Variants in NPC2 observed in about 807,000 individuals in gnomAD.
The protein encoded by NPC2 is Niemann-Pick disease type C2 protein.
NPC2 carries 14 observed loss-of-function variants against 17.0 expected under a neutral mutation model. The ratio of observed to expected loss-of-function variants is 0.82; its 90% CI spans 0.54 to 1.29. The LOEUF (loss-of-function observed/expected upper bound fraction) is 1.29. NPC2 is among the 50% of genes most tolerant of loss of function. The pLI, the probability that NPC2 is intolerant of heterozygous loss-of-function variation, is 0.00. For synonymous variants in NPC2, 75 were observed against 69.3 expected (o/e 1.08, Z -0.41); for missense variants, 167 against 183.4 (o/e 0.91, Z 0.52).
chr14:74,492,298 GCT>G (rs1212376853), intron 1 of NPC2, among the ~76,000 whole-genome samples: 3 of 152,098 alleles, frequency 2.0e-5, no homozygotes, highest in Admixed American at 6.5e-5. Flanking sequence ...TGATAAATCC[GCT>G]CTGTCTAGGC....
rs2086642019 is a variant in NPC2 at position 74,480,276 on chromosome 14, A to G, written c.454T>C (p.Ter152GlnextTer4). 1.2e-6 allele frequency: 2 copies of G among 1,613,954 alleles called. No homozygotes were observed. Among genetic ancestry groups the G allele is most frequent in the South Asian group, 2.2e-5 (2 of 91,064 alleles). Residue 152 changes from the stop codon to glutamine (Q), a stop_lost, in exon 5 of 5, where the codon TAA becomes CAA. Coordinates refer to ENST00000555619, the MANE Select transcript of NPC2 (RefSeq NM_006432.5). ...ATGCACCGAACTCAATGAGGCACTT[A>G]GAGATGAGAAACCTGTGGATGTAAT... is the stretch of plus-strand genomic sequence containing the variant. ...EIPVQIVSHL[*>Q]
Position 74,493,086 on chromosome 14 carries a change from TG to T in NPC2, c.82+106del. On this transcript the variant is annotated intron_variant, in intron 1 of 4. Transcript: ENST00000555619. This position sits in a 1 kb window ranked among gnomAD's most constrained non-coding sequence, Gnocchi z 4.1. ...GTTAGGTAGGGTCCAAGGCTCAGCC[TG>T]GCCGCCCGAGGGATCCGCCCAGCCC... 1 of 1,428,746 alleles carries T rather than the reference TG, an allele frequency of 7.0e-7. No individual in the cohort carries two copies. The highest frequency in any genetic ancestry group is 9.5e-7 in the Non-Finnish European group (1 of 1,049,466). The allele number at this position is 1,428,746 out of a possible 1,614,324, so 88.5% of individuals were successfully genotyped here. A position where few individuals can be genotyped will look rare whatever the true frequency, so the allele number is the denominator to read the frequency against.
At chr14:74,485,953 A>G (rs936934004) in intron 2 of NPC2, among the ~76,000 whole-genome samples, 1 of 152,210 alleles carries the variant, frequency 6.6e-6, no homozygotes, top group African/African-American at 2.4e-5. Flanking sequence ...GCTTAAAACA[A>G]CATTTTGGAG....
chr14:74,490,154 G>C (rs774424348), intron 1 of NPC2, among the ~76,000 whole-genome samples: 6 of 152,218 alleles, frequency 3.9e-5, no homozygotes, highest in Admixed American at 6.5e-5. Flanking sequence ...TGCAGGTTGA[G>C]AGTACATTAT....
Position 74,480,773 on chromosome 14 carries a change from G to A in NPC2, c.370C>T (p.Leu124=), listed in dbSNP as rs757968557. 4 of 1,612,946 alleles carry A rather than the reference G, an allele frequency of 2.5e-6. No homozygotes were observed. In the East Asian group the frequency reaches 8.9e-5, roughly 36 times the overall value. The change falls in exon 4 of 5, where the codon CTG becomes TTG. Residue 124 remains leucine, a synonymous_variant. Transcript: ENST00000555619. ...PVKSEYPSIK[L]VVEWQLQDDK... ...TCCTGAAGTTGCCACTCCACCACCA[G>A]TTTTATCTGGAGAAAGAGAAAAATA...
rs1302462647 is a variant in NPC2, at chr14:74,480,227, A to C, written c.*47T>G. ...CAGCAGAGCTGGAGGTGCTGTCAAG[A>C]GTCTCAGCAGACTCATTGGCCAGAT... On this transcript the variant is annotated 3_prime_UTR_variant, in exon 5 of 5. Coordinates refer to ENST00000555619, the MANE Select transcript of NPC2 (RefSeq NM_006432.5). 1 of 1,614,164 alleles carries C rather than the reference A, an allele frequency of 6.2e-7. No homozygotes were observed. Among genetic ancestry groups the C allele is most frequent in the East Asian group, 2.2e-5 (1 of 44,882 alleles).
chr14:74,480,361 G>C, intron 4 of NPC2, 73 bp from the exon 5 acceptor site: 6 of 1,328,138 alleles, frequency 4.5e-6, no homozygotes, highest in Non-Finnish European at 6.5e-6. Context: ...AATAACCCTA[G>C]GGCAAGTTAT....
chr14:74,490,929 C>T (rs767009023), intron 1 of NPC2, among the ~76,000 whole-genome samples: 25 of 152,198 alleles, frequency 1.6e-4, no homozygotes, highest in Middle Eastern at 3.4e-3. Flanking sequence ...GATTTATTTC[C>T]CTTCTTTTTT....
At chr14:74,487,960 G>A (rs1349147228) in intron 1 of NPC2, among the ~76,000 whole-genome samples, 1 of 152,174 alleles carries the variant, frequency 6.6e-6, no homozygotes, top group African/African-American at 2.4e-5. Flanking sequence ...TGCCTGGAAG[G>A]GGCAGATCGA....
At chr14:74,492,649 T>C (rs572547280) in intron 1 of NPC2, among the ~76,000 whole-genome samples, 7 of 152,304 alleles carry the variant, frequency 4.6e-5, no homozygotes, top group African/African-American at 1.7e-4. Context: ...TATCACAAGC[T>C]GTGATTAGAG....
At chr14:74,487,274 G>GT (rs59427038) in intron 1 of NPC2, among the ~76,000 whole-genome samples, 2,467 of 131,980 alleles carry the variant, frequency 0.019, 98 homozygotes, top group African/African-American at 0.062. Flanking sequence ...GTTTTTTTTT[G>GT]TTTTTTTTTT....
chr14:74,487,976 C>A (rs1024205642), intron 1 of NPC2, among the ~76,000 whole-genome samples: 2 of 152,184 alleles, frequency 1.3e-5, no homozygotes, highest in African/African-American at 2.4e-5. Flanking sequence ...ATCGAAGACT[C>A]AATGGGTGGG....
intron 3 of NPC2, among the ~76,000 whole-genome samples, chr14:74,482,743 T>C (rs1566601722): frequency 6.6e-6 from 1 of 152,200 alleles, no homozygotes; most frequent in Non-Finnish European, 1.5e-5. Context: ...ATTGCATAAC[T>C]TCAGAGGCTC....
chr14:74,493,086 T>A lies in NPC2; in HGVS notation c.82+107A>T. On this transcript the variant is annotated intron_variant, in intron 1 of 4. Transcript: ENST00000555619. The surrounding 1 kb of genome is among the most constrained non-coding windows in gnomAD (Gnocchi z 4.1). ...GTTAGGTAGGGTCCAAGGCTCAGCC[T>A]GGCCGCCCGAGGGATCCGCCCAGCC... The A allele has an allele frequency of 7.0e-7, 1 of 1,428,750 alleles. No homozygotes were observed. The highest frequency in any genetic ancestry group is 9.5e-7 in the Non-Finnish European group (1 of 1,049,470). The allele number at this position is 1,428,750 out of a possible 1,614,324, so 88.5% of individuals were successfully genotyped here.
At chr14:74,485,605 G>T (rs1312303620) in intron 2 of NPC2, among the ~76,000 whole-genome samples, 2 of 151,980 alleles carry the variant, frequency 1.3e-5, no homozygotes, top group African/African-American at 4.8e-5. Context: ...CTGTCTTTAG[G>T]CTTATGAACA....
At chr14:74,487,044 C>T (rs1274063325) in intron 1 of NPC2, among the ~76,000 whole-genome samples, 2 of 151,812 alleles carry the variant, frequency 1.3e-5, no homozygotes, top group Non-Finnish European at 2.9e-5. Context: ...CTCCACCCCC[C>T]GGGTTCAAAC....
chr14:74,483,167 T>C (rs1328198225), intron 3 of NPC2: 4 of 844,498 alleles, frequency 4.7e-6, no homozygotes, highest in African/African-American at 1.7e-5. Flanking sequence ...TTTACAGCAA[T>C]GAGGGATTTG....
chr14:74,492,543 T>G (rs1010602556), intron 1 of NPC2, among the ~76,000 whole-genome samples: 1 of 152,204 alleles, frequency 6.6e-6, no homozygotes, highest in South Asian at 2.1e-4. Flanking sequence ...GTTCCGACAA[T>G]TCTATAGACT....
Position 74,479,994 on chromosome 14 carries a change from T to C in NPC2, c.*280A>G. The C allele has an allele frequency of 7.1e-7, 1 of 1,401,790 alleles. No homozygotes were observed. Among genetic ancestry groups the C allele is most frequent in the Non-Finnish European group, 9.3e-7 (1 of 1,078,226 alleles). The allele number at this position is 1,401,790 out of a possible 1,614,324, so 86.8% of individuals were successfully genotyped here. A position where few individuals can be genotyped will look rare whatever the true frequency, so the allele number is the denominator to read the frequency against. On this transcript the variant is annotated 3_prime_UTR_variant, in exon 5 of 5. Transcript: ENST00000555619. ...TTATTCAAGAGTAAATTTCCAGGTG[T>C]AGAAAGAGGCCACAAGTTAATGTTG...
Sources: allele counts gnomAD v4.1 joint callset (sites outside exome capture counted in the v4.1 genomes callset), GRCh38; gene constraint gnomAD v4.1.1; non-coding constraint Gnocchi (gnomAD v3.1); transcripts MANE v1.5; gene names NCBI Gene and HGNC (gene_info 2026-07-23, HGNC 2026-07-21).